CYFIP2: variants seen among roughly 807,000 people sequenced by gnomAD.
The protein encoded by CYFIP2 is cytoplasmic FMR1 interacting protein 2, also known as cytoplasmic FMR1-interacting protein 2.
Under a neutral mutation model 158.7 loss-of-function variants are expected in CYFIP2, and 29 were observed. The ratio of observed to expected loss-of-function variants is 0.18; its 90% CI spans 0.14 to 0.25. CYFIP2 has a LOEUF of 0.25. Among genes scored for constraint, CYFIP2 ranks in the 10% least tolerant of loss-of-function variants. The pLI is 1.00. For synonymous variants in CYFIP2, 585 were observed against 617.6 expected (o/e 0.95, Z 0.78); for missense variants, 852 against 1,639.5 (o/e 0.52, Z 8.29).
intron 16 of CYFIP2, 129 bp downstream of exon 16, chr5:157,324,203 A>C: frequency 2.6e-6 from 3 of 1,134,892 alleles, no homozygotes; most frequent in Non-Finnish European, 3.6e-6. Context: ...TATCACCACC[A>C]AGGAAAAAAC....
chr5:157,389,621 C>G (rs771885168), intron 29 of CYFIP2, 194 bp downstream of exon 29: 15 of 570,638 alleles, frequency 2.6e-5, no homozygotes, highest in Non-Finnish European at 4.7e-5. Context: ...AAGACCCTCA[C>G]TGCCTGCCTC....
intron 19 of CYFIP2, among the ~76,000 whole-genome samples, chr5:157,328,536 A>G (rs960085960): frequency 1.3e-5 from 2 of 152,208 alleles, no homozygotes; most frequent in African/African-American, 2.4e-5. Context: ...CCAACTTCAC[A>G]GGGCTGTGGG....
At chr5:157,335,959 A>C (rs72809218) in intron 21 of CYFIP2, among the ~76,000 whole-genome samples, 4 of 152,166 alleles carry the variant, frequency 2.6e-5, no homozygotes, top group African/African-American at 9.7e-5. Flanking sequence ...AACAAAATCA[A>C]AACAAGCAGT....
chr5:157,346,626 GC>G (rs1449694347), intron 23 of CYFIP2, among the ~76,000 whole-genome samples: 2 of 152,158 alleles, frequency 1.3e-5, no homozygotes, highest in African/African-American at 4.8e-5. Flanking sequence ...TTGATTTCAG[GC>G]TTCTGGTCTC....
At chr5:157,380,938 T>G (rs1307122146) in intron 26 of CYFIP2, among the ~76,000 whole-genome samples, 1 of 152,164 alleles carries the variant, frequency 6.6e-6, no homozygotes, top group Non-Finnish European at 1.5e-5. Context: ...GAAAGGGCCG[T>G]GCGCAGTGGC....
rs113370288 is a variant in CYFIP2 at position 157,286,310 on chromosome 5, G to T, written c.118-709G>T. 1.7e-3 allele frequency among the ~76,000 whole-genome samples: 254 copies of T among 149,842 alleles called. 1 individual carries two copies. Among genetic ancestry groups the T allele is most frequent in the East Asian group, 4.7e-3 (24 of 5,136 alleles). On this transcript the variant is annotated intron_variant, in intron 2 of 30. Coordinates refer to ENST00000620254, the MANE Select transcript of CYFIP2 (RefSeq NM_001037333.3). ...ATATAAATTTTTTCTATAACTATGC[G>T]GATATATACCTTTTTTACCAAATAT... is the stretch of plus-strand genomic sequence containing the variant.
At position 157,395,447 on chromosome 5, in the gene CYFIP2, G is replaced by A. The variant is rs186546184; in HGVS notation, c.*2447G>A. 46 of 417,666 alleles carry A rather than the reference G, an allele frequency of 1.1e-4. No individual in the cohort carries two copies. Among genetic ancestry groups the A allele is most frequent in the African/African-American group, 4.6e-4 (22 of 47,696 alleles). 25.9% of individuals were successfully genotyped at this position (417,666 alleles called of 1,614,324 possible). A position where few individuals can be genotyped will look rare whatever the true frequency, so the allele number is the denominator to read the frequency against. On this transcript the variant is annotated 3_prime_UTR_variant, in exon 31 of 31. Transcript: ENST00000620254. ...CATTTATTTATGGTGACATATTTAC[G>A]CTTGTGATCAAATAATGATGTTAAA...
At chr5:157,303,168 G>A in intron 7 of CYFIP2, 2 of 340,740 alleles carry the variant, frequency 5.9e-6, no homozygotes, top group South Asian at 5.3e-5. Context: ...GAGTTAGGCA[G>A]CCTTGTTTTG....
chr5:157,360,952 G>C (rs1274841996), intron 25 of CYFIP2, among the ~76,000 whole-genome samples: 1 of 152,170 alleles, frequency 6.6e-6, no homozygotes, highest in Non-Finnish European at 1.5e-5. Context: ...ATAGGAAAAA[G>C]ATAAGGCTAA....
At chr5:157,313,544 CAAG>C (rs1214564701) in intron 11 of CYFIP2, among the ~76,000 whole-genome samples, 1 of 152,164 alleles carries the variant, frequency 6.6e-6, no homozygotes, top group Non-Finnish European at 1.5e-5. Context: ...AGAGCTGAAA[CAAG>C]AAGGCAGAGT....
intron 13 of CYFIP2, among the ~76,000 whole-genome samples, chr5:157,316,359 A>G (rs1429336856): frequency 6.6e-6 from 1 of 152,248 alleles, no homozygotes; most frequent in Non-Finnish European, 1.5e-5. Context: ...TTAGACCAAA[A>G]ACAGAACAGC....
chr5:157,385,445 T>C (rs551708332), intron 28 of CYFIP2, among the ~76,000 whole-genome samples: 2 of 152,278 alleles, frequency 1.3e-5, no homozygotes, highest in Admixed American at 1.3e-4. Context: ...TCGTAAGATA[T>C]CTAGGAGGTG....
chr5:157,300,937 C>T, intron 6 of CYFIP2, 41 bp downstream of exon 6: 2 of 1,494,684 alleles, frequency 1.3e-6, no homozygotes, highest in Non-Finnish European at 1.8e-6. Context: ...CCATCCAGGC[C>T]CCTCCTCCAG....
chr5:157,325,464 G>A lies in CYFIP2; in HGVS notation c.1826-18G>A, dbSNP rs773552040. On this transcript the variant is annotated intron_variant, in intron 16 of 30. Transcript: ENST00000620254. ...TAGTTCTAAAAGTAACCAAAGGCTC[G>A]TTCCCTTATGCTTTCAGAAGCCCTG... 65 of 1,580,798 alleles carry A rather than the reference G, an allele frequency of 4.1e-5. No homozygotes were observed. The highest frequency in any genetic ancestry group is 7.5e-5 in the Admixed American group (4 of 53,048).
intron 23 of CYFIP2, among the ~76,000 whole-genome samples, chr5:157,354,352 A>G (rs1763271843): frequency 6.6e-6 from 1 of 152,172 alleles, no homozygotes. Context: ...GAATTGGTTC[A>G]ATGGCAAGTT....
At chr5:157,297,339 G>C (rs1442279301) in intron 5 of CYFIP2, among the ~76,000 whole-genome samples, 1 of 152,240 alleles carries the variant, frequency 6.6e-6, no homozygotes. Context: ...GCCTTTGGAG[G>C]CAGAGAAGCC....
chr5:157,340,945 A>G, intron 22 of CYFIP2, 125 bp from the exon 23 acceptor site: 1 of 812,812 alleles, frequency 1.2e-6, no homozygotes, highest in East Asian at 2.6e-5. Context: ...TCAACCACCT[A>G]ACAAACAGTG....
intron 26 of CYFIP2, among the ~76,000 whole-genome samples, chr5:157,379,836 CAG>C (rs753809081): frequency 2.0e-5 from 3 of 152,126 alleles, no homozygotes; most frequent in Admixed American, 6.5e-5. Context: ...TTTATCCAGA[CAG>C]GGGAATTGCA....
In CYFIP2 at chr5:157,341,195, GGT is replaced by G. The variant is rs1472745580; in HGVS notation, c.2673+40_2673+41del. On this transcript the variant is annotated intron_variant, in intron 23 of 30. Transcript: ENST00000620254. ...GCCCTACCCTGCCTAGAAGAGGGTT[GGT>G]GAGAAAAAGCAAATAGAAAAGTGTC... 6 of 1,591,062 alleles carry G rather than the reference GGT, an allele frequency of 3.8e-6. No individual in the cohort carries two copies. In the African/African-American group the frequency reaches 8.1e-5, roughly 21 times the overall value.
Sources: allele counts gnomAD v4.1 joint callset (sites outside exome capture counted in the v4.1 genomes callset), GRCh38; gene constraint gnomAD v4.1.1; transcripts MANE v1.5; gene names NCBI Gene and HGNC (gene_info 2026-07-23, HGNC 2026-07-21).